FRMD4A: variants seen among roughly 807,000 people sequenced by gnomAD.
FRMD4A encodes FERM domain-containing protein 4A.
A neutral mutation model predicts 129.1 loss-of-function variants in FRMD4A; 29 were observed. The ratio of observed to expected loss-of-function variants is 0.22; its 90% CI spans 0.17 to 0.31. The LOEUF is 0.31. Ranked by LOEUF, FRMD4A falls within the 10% of genes least tolerant of loss-of-function variation. The pLI is 1.00. For synonymous variants in FRMD4A, 634 were observed against 571.6 expected, an observed-to-expected ratio of 1.11 and a Z score of -1.56; for missense variants, 1,272 against 1,375.8, an observed-to-expected ratio of 0.92 and a Z score of 1.19.
intron 15 of FRMD4A, among the ~76,000 whole-genome samples, chr10:13,690,588 T>C (rs939418552): frequency 3.3e-5 from 5 of 152,174 alleles, no homozygotes; most frequent in African/African-American, 1.2e-4. Context: ...TTTTTCAGGC[T>C]CAAACTTGCA....
chr10:14,169,043 G>A (rs9424187), intron 2 of FRMD4A, among the ~76,000 whole-genome samples: 152,309 of 152,312 alleles, frequency 1, 76,153 homozygotes, highest in Non-Finnish European at 1. Flanking sequence ...GCATCATAGT[G>A]GCTCTTTGTA....
intron 2 of FRMD4A, among the ~76,000 whole-genome samples, chr10:14,172,301 C>T (rs954803130): frequency 2.6e-5 from 4 of 152,098 alleles, no homozygotes; most frequent in Admixed American, 1.3e-4. Context: ...TGGTAGGACC[C>T]GAACCCCACA....
chr10:13,905,134 G>A (rs17154154), intron 2 of FRMD4A, among the ~76,000 whole-genome samples: 4,419 of 152,014 alleles, frequency 0.029, 223 homozygotes, highest in South Asian at 0.19. Context: ...AGGACCAGTC[G>A]CAACACTGGC....
At chr10:13,765,208 G>A (rs1423317840) in intron 6 of FRMD4A, among the ~76,000 whole-genome samples, 3 of 146,840 alleles carry the variant, frequency 2.0e-5, no homozygotes, top group South Asian at 2.2e-4. Flanking sequence ...TCTGTCTCCC[G>A]GGTTCCAGCA....
Position 13,695,973 on chromosome 10 carries a change from G to A in FRMD4A, c.976-1934C>T, listed in dbSNP as rs1198254652. ...CATGTTAACACGATGGAAGTCTGCGGGCTGGAGGAAACACTGAGGCATGGC... is the reference window on the plus strand; with the variant it reads ...CATGTTAACACGATGGAAGTCTGCGAGCTGGAGGAAACACTGAGGCATGGC... On this transcript the variant is annotated intron_variant, in intron 14 of 24. Coordinates refer to ENST00000357447, the MANE Select transcript of FRMD4A (RefSeq NM_018027.5). Among the ~76,000 whole-genome samples the A allele has an allele frequency of 2.6e-5, 4 of 152,340 alleles. No homozygotes were observed. In the East Asian group the frequency reaches 7.7e-4, roughly 29 times the overall value.
At chr10:14,298,565 A>AT (rs1846084570) in intron 2 of FRMD4A, among the ~76,000 whole-genome samples, 1 of 152,114 alleles carries the variant, frequency 6.6e-6, no homozygotes, top group South Asian at 2.1e-4. Context: ...ACGAGTGTAG[A>AT]TTTTTATGTG....
At chr10:13,773,757 C>A (rs1344730758) in intron 6 of FRMD4A, among the ~76,000 whole-genome samples, 1 of 152,244 alleles carries the variant, frequency 6.6e-6, no homozygotes, top group Non-Finnish European at 1.5e-5. Flanking sequence ...TTCAATCCTG[C>A]AGCCAGAAAG....
chr10:13,675,545 G>T (rs2083907105), intron 15 of FRMD4A: 1 of 153,302 alleles, frequency 6.5e-6, no homozygotes, highest in Admixed American at 6.4e-5. Context: ...GGGGTTACAG[G>T]CATCCGCCAC....
At chr10:13,867,738 C>T (rs61834262) in intron 2 of FRMD4A, among the ~76,000 whole-genome samples, 3 of 11,922 alleles carry the variant, frequency 2.5e-4, no homozygotes, top group South Asian at 3.5e-3. Flanking sequence ...TAATAAATAA[C>T]ATATAATATA....
chr10:13,890,662 A>C (rs926222796), intron 2 of FRMD4A: 1 of 985,278 alleles, frequency 1.0e-6, no homozygotes, highest in Non-Finnish European at 1.2e-6. Context: ...AAGAAGCCAG[A>C]AACAGCAGTA....
At chr10:13,834,065 A>T (rs141169777) in intron 3 of FRMD4A, among the ~76,000 whole-genome samples, 3,273 of 152,216 alleles carry the variant, frequency 0.022, 44 homozygotes, top group Non-Finnish European at 0.033. Context: ...GGAGTACAAA[A>T]CCAGCCTGGC....
At position 13,905,284 on chromosome 10, in the gene FRMD4A, C is replaced by T. The variant is rs1026357804; in HGVS notation, c.46-46372G>A. Among the ~76,000 whole-genome samples the T allele has an allele frequency of 2.0e-5, 3 of 152,146 alleles. 1 individual carries two copies. Among genetic ancestry groups the T allele is most frequent in the Non-Finnish European group, 4.4e-5 (3 of 68,028 alleles). ...TTAGATCTTGAAATAGACATGCTTC[C>T]ATCTCTCCCTAGTCTCTCCTTTGTA... is the stretch of plus-strand genomic sequence containing the variant. On this transcript the variant is annotated intron_variant, in intron 2 of 24. Coordinates refer to ENST00000357447, the MANE Select transcript of FRMD4A (RefSeq NM_018027.5).
chr10:14,135,363 G>A (rs1408047214), intron 2 of FRMD4A, among the ~76,000 whole-genome samples: 1 of 152,226 alleles, frequency 6.6e-6, no homozygotes, highest in Non-Finnish European at 1.5e-5. Flanking sequence ...TGTCCAAACT[G>A]TGTTCAAATA....
intron 2 of FRMD4A, among the ~76,000 whole-genome samples, chr10:13,981,738 CAAAAA>C (rs55829400): frequency 9.2e-5 from 9 of 97,672 alleles, no homozygotes; most frequent in African/African-American, 1.2e-4. Flanking sequence ...GACTCCGTGT[CAAAAA>C]AAAAAAAAAA....
At chr10:14,279,182 A>AT (rs1223887250) in intron 2 of FRMD4A, among the ~76,000 whole-genome samples, 4,183 of 99,510 alleles carry the variant, frequency 0.042, 147 homozygotes, top group Non-Finnish European at 0.053. Context: ...AGGAAGCGGG[A>AT]TTTTTTTTTT....
rs367952103 is a variant in FRMD4A at position 14,255,178 on chromosome 10, C to G, written c.45+74880G>C. On this transcript the variant is annotated intron_variant, in intron 2 of 24. Transcript: ENST00000357447. ...ATGATAGAAAATGCCAGCAAATGAA[C>G]TAAACCATCTGCTAAAAGGTGAAAG... 2.0e-5 allele frequency among the ~76,000 whole-genome samples: 3 copies of G among 152,306 alleles called. No individual in the cohort carries two copies. In the South Asian group the frequency reaches 6.2e-4, roughly 32 times the overall value.
At chr10:13,777,412 T>G (rs1435476330) in intron 6 of FRMD4A, among the ~76,000 whole-genome samples, 1 of 152,180 alleles carries the variant, frequency 6.6e-6, no homozygotes, top group Non-Finnish European at 1.5e-5. Context: ...CAGGGGGCCT[T>G]GGGATGCGAC....
intron 2 of FRMD4A, among the ~76,000 whole-genome samples, chr10:14,291,879 A>C (rs1169167147): frequency 2.6e-5 from 4 of 152,096 alleles, no homozygotes; most frequent in African/African-American, 9.6e-5. Context: ...TAAATTATTA[A>C]TAGGTGAGCT....
At chr10:14,233,517 T>G (rs182323139) in intron 2 of FRMD4A, among the ~76,000 whole-genome samples, 1 of 152,304 alleles carries the variant, frequency 6.6e-6, no homozygotes, top group African/African-American at 2.4e-5. Flanking sequence ...GAGTTTGCAG[T>G]GAGCCGAGAT....
Sources: allele counts gnomAD v4.1 joint callset (sites outside exome capture counted in the v4.1 genomes callset), GRCh38; gene constraint gnomAD v4.1.1; transcripts MANE v1.5; gene names NCBI Gene and HGNC (gene_info 2026-07-23, HGNC 2026-07-21).